Variants in SEMA6D observed in about 807,000 individuals in gnomAD.
SEMA6D encodes semaphorin 6D.
In SEMA6D, 35 loss-of-function variants were observed where a neutral mutation model predicts 106.6. The observed-to-expected ratio is 0.33, with a 90% confidence interval of 0.25 to 0.44. The LOEUF is 0.44. Among genes scored for constraint, SEMA6D ranks in the 20% least tolerant of loss-of-function variants. The pLI is 1.00. For synonymous variants in SEMA6D, 499 were observed against 487.7 expected (o/e 1.02, Z -0.31); for missense variants, 1,185 against 1,345.9 (o/e 0.88, Z 1.87).
At chr15:47,464,383 T>C (rs2042599310) in intron 2 of SEMA6D, among the ~76,000 whole-genome samples, 1 of 152,094 alleles carries the variant, frequency 6.6e-6, no homozygotes, top group Non-Finnish European at 1.5e-5. Context: ...AGGTGTCTCA[T>C]ATGTGCTCGT....
chr15:47,759,143 C>T (rs2081928533), intron 1 of SEMA6D, among the ~76,000 whole-genome samples: 1 of 152,080 alleles, frequency 6.6e-6, no homozygotes, highest in Non-Finnish European at 1.5e-5. Context: ...CCCTTTCACC[C>T]TGATTCAGGG....
At chr15:47,365,893 GAGAGA>G (rs2039003126) in intron 1 of SEMA6D, among the ~76,000 whole-genome samples, 3 of 47,552 alleles carry the variant, frequency 6.3e-5, no homozygotes, top group African/African-American at 1.7e-4. Context: ...AGAGAGAGGA[GAGAGA>G]GAGAGAGAGA....
rs898536751 is a variant in SEMA6D at position 47,722,808 on chromosome 15, A to G, written c.-55+5116A>G. 2.6e-5 allele frequency among the ~76,000 whole-genome samples: 4 copies of G among 152,308 alleles called. No homozygotes were observed. In the South Asian group the frequency reaches 6.2e-4, roughly 24 times the overall value. On this transcript the variant is annotated intron_variant, in intron 1 of 18. Coordinates refer to ENST00000536845, the MANE Select transcript of SEMA6D (RefSeq NM_001358351.3). ...CAGCAACCACAATACTTAACACTTA[A>G]TGTTAGCTTACTAAATTCTAGGCAC...
At chr15:47,372,334 C>T (rs776847582) in intron 1 of SEMA6D, among the ~76,000 whole-genome samples, 32 of 152,340 alleles carry the variant, frequency 2.1e-4, no homozygotes, top group Admixed American at 1.1e-3. Context: ...CATACCTGGC[C>T]TGGGACACTC....
chr15:47,258,142 G>A (rs2033901569), intron 1 of SEMA6D, among the ~76,000 whole-genome samples: 1 of 152,080 alleles, frequency 6.6e-6, no homozygotes, highest in African/African-American at 2.4e-5. Flanking sequence ...CACTTAGGGT[G>A]GGAAATTTTA....
chr15:47,459,062 TG>T lies in SEMA6D; in HGVS notation c.-158-11411del, dbSNP rs144329763. Among the ~76,000 whole-genome samples, 1,105 of 152,118 alleles carry T rather than the reference TG, an allele frequency of 7.3e-3. 15 individuals are homozygous for T. Among genetic ancestry groups the T allele is most frequent in the African/African-American group, 0.026 (1,070 of 41,530 alleles). On this transcript the variant is annotated intron_variant, in intron 2 of 19. Coordinates refer to the SEMA6D transcript ENST00000558014. Reference sequence around the variant, plus strand: ...GGTAAAGGTAATGAGATGTCATTCTTGTGATTAGGTTTTGTTATATAGCAAA... The same window carrying T: ...GGTAAAGGTAATGAGATGTCATTCTTTGATTAGGTTTTGTTATATAGCAAA...
chr15:47,304,433 T>TAAAAAAAAAAAAAAAAAAAAAA (rs56185341), intron 1 of SEMA6D, among the ~76,000 whole-genome samples: 1 of 93,842 alleles, frequency 1.1e-5, no homozygotes, highest in African/African-American at 6.1e-5. Context: ...GCCTTCTAAC[T>TAAAAAAAAAAAAAAAAAAAAAA]AAAAAAAAAA....
intron 1 of SEMA6D, among the ~76,000 whole-genome samples, chr15:47,382,194 A>G (rs1461388705): frequency 2.0e-5 from 3 of 152,222 alleles, no homozygotes; most frequent in Admixed American, 6.5e-5. Context: ...AAACAATTAC[A>G]TGATGAGTCA....
At chr15:47,680,373 T>G (rs1233552242) in intron 4 of SEMA6D, among the ~76,000 whole-genome samples, 1 of 152,168 alleles carries the variant, frequency 6.6e-6, no homozygotes, top group South Asian at 2.1e-4. Context: ...TTTCTCATCT[T>G]TGGGGTCACT....
intron 3 of SEMA6D, among the ~76,000 whole-genome samples, chr15:47,505,478 C>T (rs76490852): frequency 0.021 from 3,202 of 152,224 alleles, 112 homozygotes; most frequent in African/African-American, 0.073. Context: ...TGATAAAGAA[C>T]ATTTGGGGAC....
chr15:47,594,073 C>T (rs919905099), intron 3 of SEMA6D, among the ~76,000 whole-genome samples: 13 of 152,350 alleles, frequency 8.5e-5, no homozygotes, highest in African/African-American at 2.9e-4. Context: ...TTTAATTCAT[C>T]AGTGCATAGA....
At chr15:47,512,734 C>G (rs1236272100) in intron 3 of SEMA6D, among the ~76,000 whole-genome samples, 2 of 152,196 alleles carry the variant, frequency 1.3e-5, no homozygotes, top group African/African-American at 4.8e-5. Context: ...AAGCTGATCT[C>G]AGAAACAAGA....
chr15:47,342,225 T>C (rs2037846537), intron 1 of SEMA6D, among the ~76,000 whole-genome samples: 1 of 152,092 alleles, frequency 6.6e-6, no homozygotes, highest in African/African-American at 2.4e-5. Context: ...ATCACATCCA[T>C]CTCCTTTGTC....
At chr15:47,766,780 C>A (rs1283762767) in intron 16 of SEMA6D, 103 bp downstream of exon 16, 2 of 782,366 alleles carry the variant, frequency 2.6e-6, no homozygotes, top group Non-Finnish European at 4.2e-6. Context: ...GGACACATAC[C>A]ACCTAGCATT....
At chr15:47,640,673 C>T (rs1054017032) in intron 4 of SEMA6D, among the ~76,000 whole-genome samples, 1 of 152,130 alleles carries the variant, frequency 6.6e-6, no homozygotes, top group Non-Finnish European at 1.5e-5. Context: ...CTCTTACGAA[C>T]TGAGGGTCGT....
At chr15:47,228,159 C>CAG (rs2031928681) in intron 1 of SEMA6D, among the ~76,000 whole-genome samples, 1 of 124,052 alleles carries the variant, frequency 8.1e-6, no homozygotes, top group African/African-American at 3.4e-5. Context: ...CACACACACA[C>CAG]ACACATATAT....
intron 1 of SEMA6D, among the ~76,000 whole-genome samples, chr15:47,377,172 T>G (rs1292604512): frequency 1.3e-5 from 2 of 152,224 alleles, no homozygotes; most frequent in Non-Finnish European, 2.9e-5. Flanking sequence ...ATAAAATCTA[T>G]GCAGGATGAT....
chr15:47,680,437 A>G (rs186378489), intron 4 of SEMA6D, among the ~76,000 whole-genome samples: 2 of 152,202 alleles, frequency 1.3e-5, no homozygotes, highest in Non-Finnish European at 2.9e-5. Flanking sequence ...TTGATTAATG[A>G]ATTTATTATT....
chr15:47,511,487 C>G (rs894428769), intron 3 of SEMA6D, among the ~76,000 whole-genome samples: 2 of 152,124 alleles, frequency 1.3e-5, no homozygotes, highest in Non-Finnish European at 2.9e-5. Flanking sequence ...TCCCACATCT[C>G]CTGCTTCTCA....
Sources: allele counts gnomAD v4.1 joint callset (sites outside exome capture counted in the v4.1 genomes callset), GRCh38; gene constraint gnomAD v4.1.1; transcripts MANE v1.5; gene names NCBI Gene and HGNC (gene_info 2026-07-23, HGNC 2026-07-21).